Variants in FIRRM observed in about 807,000 individuals in gnomAD.
The protein encoded by FIRRM is FIGNL1-interacting regulator of recombination and mitosis.
the FIRRM span, chr1:169,795,679 A>G: frequency 1.0e-6 from 1 of 987,450 alleles, no homozygotes; most frequent in Non-Finnish European, 1.2e-6. Flanking sequence ...GGGCTTTCTT[A>G]GCGTTATAAG....
At chr1:169,798,359 C>G in the FIRRM span, among the ~76,000 whole-genome samples, 1 of 151,834 alleles carries the variant, frequency 6.6e-6, no homozygotes, top group Non-Finnish European at 1.5e-5. Context: ...CCTCTGCCTC[C>G]CAGTTTCAAG....
the FIRRM span, chr1:169,842,651 C>T: frequency 7.4e-6 from 9 of 1,213,356 alleles, no homozygotes; most frequent in Non-Finnish European, 1.0e-5. Flanking sequence ...CTTTTGGGTG[C>T]TTGGTAGACC....
At chr1:169,852,781 T>C in the FIRRM span, 1 of 1,613,048 alleles carries the variant, frequency 6.2e-7, no homozygotes, top group Non-Finnish European at 8.5e-7. Context: ...ACTTATGTTT[T>C]TTTTCCAGCC....
chr1:169,799,105 T>G, the FIRRM span: 16 of 386,944 alleles, frequency 4.1e-5, no homozygotes, highest in Non-Finnish European at 4.6e-5. Flanking sequence ...TTCAGTTACT[T>G]GAAATGAACA....
At chr1:169,804,103 T>G in the FIRRM span, 7 of 1,528,750 alleles carry the variant, frequency 4.6e-6, no homozygotes, top group Non-Finnish European at 6.1e-6. Context: ...TCTGGGTGTT[T>G]ACACCTAGTT....
the FIRRM span, chr1:169,830,490 TAAA>T: frequency 1.1e-6 from 1 of 879,718 alleles, no homozygotes; most frequent in Non-Finnish European, 1.7e-6. Context: ...ATTACAGCAT[TAAA>T]TTAGGAAACA....
the FIRRM span, among the ~76,000 whole-genome samples, chr1:169,789,998 T>C: frequency 6.6e-6 from 1 of 152,146 alleles, no homozygotes; most frequent in Admixed American, 6.5e-5. Context: ...ATGGAGAAAT[T>C]GAATTTTAAC....
chr1:169,849,865 C>G, the FIRRM span: 2 of 496,082 alleles, frequency 4.0e-6, no homozygotes, highest in Non-Finnish European at 3.6e-6. Context: ...CAGACACAGA[C>G]ACAGTCTTCC....
the FIRRM span, among the ~76,000 whole-genome samples, chr1:169,798,214 G>A: frequency 1.3e-5 from 2 of 152,070 alleles, no homozygotes; most frequent in African/African-American, 4.8e-5. Flanking sequence ...CCAGGAGCTT[G>A]AGGCTGCAGT....
At chr1:169,792,607 T>C in the FIRRM span, 1 of 1,573,370 alleles carries the variant, frequency 6.4e-7, no homozygotes, top group South Asian at 1.2e-5. Context: ...TTATTTCAAT[T>C]ATGAACCTCT....
chr1:169,853,920 C>T, the FIRRM span: 1 of 849,090 alleles, frequency 1.2e-6, no homozygotes. Context: ...AGAGCTCTAA[C>T]AGAAAGTTGA....
At chr1:169,793,156 T>G in the FIRRM span, 1 of 1,614,086 alleles carries the variant, frequency 6.2e-7, no homozygotes, top group East Asian at 2.2e-5. Flanking sequence ...CTTTGGCCTT[T>G]GTGAAATAAG....
chr1:169,788,685 G>C, the FIRRM span, among the ~76,000 whole-genome samples: 1 of 152,078 alleles, frequency 6.6e-6, no homozygotes, highest in African/African-American at 2.4e-5. Flanking sequence ...TCAGTAAATG[G>C]AAAAAGATAG....
the FIRRM span, chr1:169,832,474 C>T: frequency 7.1e-5 from 115 of 1,613,432 alleles, no homozygotes; most frequent in Non-Finnish European, 8.3e-5. Context: ...ACTGTTGAAG[C>T]GTCTCTTTTT....
At chr1:169,830,280 G>C in the FIRRM span, 1 of 1,613,362 alleles carries the variant, frequency 6.2e-7, no homozygotes, top group South Asian at 1.1e-5. Flanking sequence ...GCTGAATGCT[G>C]TACTTAGTGC....
At chr1:169,805,726 A>C in the FIRRM span, among the ~76,000 whole-genome samples, 1 of 152,242 alleles carries the variant, frequency 6.6e-6, no homozygotes, top group African/African-American at 2.4e-5. Context: ...CAGTTATAAT[A>C]GGGTACAACT....
chr1:169,823,528 G>T, the FIRRM span: 3 of 1,041,454 alleles, frequency 2.9e-6, no homozygotes, highest in Non-Finnish European at 4.3e-6. Context: ...GTGCCATGCA[G>T]TGCTTAAGTA....
At chr1:169,784,221 G>A in the FIRRM span, among the ~76,000 whole-genome samples, 1 of 152,150 alleles carries the variant, frequency 6.6e-6, no homozygotes, top group East Asian at 1.9e-4. Flanking sequence ...AACTCCAACT[G>A]AGGTCAAATG....
At chr1:169,785,847 G>A in the FIRRM span, among the ~76,000 whole-genome samples, 1 of 152,048 alleles carries the variant, frequency 6.6e-6, no homozygotes, top group African/African-American at 2.4e-5. Context: ...ATCAAATACT[G>A]GGCTGATCCA....
Sources: allele counts gnomAD v4.1 joint callset (sites outside exome capture counted in the v4.1 genomes callset), GRCh38; gene constraint gnomAD v4.1.1; transcripts MANE v1.5; gene names NCBI Gene and HGNC (gene_info 2026-07-23, HGNC 2026-07-21).